Variants in SYT1 observed in about 807,000 individuals in gnomAD.
SYT1 encodes synaptotagmin-1.
A neutral mutation model predicts 44.8 loss-of-function variants in SYT1; 8 were observed. That is an observed-to-expected ratio of 0.18 (90% CI 0.10 to 0.32). The LOEUF (loss-of-function observed/expected upper bound fraction) is 0.32. Ranked by LOEUF, SYT1 falls within the 10% of genes least tolerant of loss-of-function variation. SYT1 has a pLI of 1.00. For synonymous variants in SYT1, 154 were observed against 188.8 expected, an observed-to-expected ratio of 0.82 and a Z score of 1.51; for missense variants, 286 against 509.3, an observed-to-expected ratio of 0.56 and a Z score of 4.22.
chr12:79,428,517 G>A (rs1869581954), intron 9 of SYT1, among the ~76,000 whole-genome samples: 1 of 152,160 alleles, frequency 6.6e-6, no homozygotes, highest in African/African-American at 2.4e-5. Flanking sequence ...GGTGGCTAGG[G>A]AGCAGTGGTG....
At chr12:78,887,553 A>T (rs2137067520) in intron 1 of SYT1, among the ~76,000 whole-genome samples, 1 of 152,056 alleles carries the variant, frequency 6.6e-6, no homozygotes, top group Admixed American at 6.6e-5. Context: ...CATGCATGGT[A>T]CACATAATTA....
chr12:79,155,177 C>G (rs1870517187), intron 3 of SYT1, among the ~76,000 whole-genome samples: 1 of 152,106 alleles, frequency 6.6e-6, no homozygotes, highest in African/African-American at 2.4e-5. Context: ...GAACTATGTT[C>G]ATTGCCATGA....
Position 79,133,025 on chromosome 12 carries a change from T to C in SYT1, c.-17-84478T>C, listed in dbSNP as rs968905989. Among the ~76,000 whole-genome samples the C allele has an allele frequency of 9.2e-5, 14 of 152,252 alleles. No individual in the cohort carries two copies. The South Asian group carries it at 2.5e-3, about 27-fold the overall frequency. On this transcript the variant is annotated intron_variant, in intron 3 of 10. Transcript: ENST00000261205. The stretch of plus-strand genomic sequence containing the variant: ...TAAATATCACATGTTCTCACTCATA[T>C]GTGGAAGCTAAAAAGTTTCTCTCAT...
At chr12:79,238,085 A>G (rs1442019537) in intron 4 of SYT1, among the ~76,000 whole-genome samples, 3 of 152,302 alleles carry the variant, frequency 2.0e-5, no homozygotes, top group East Asian at 3.9e-4. Flanking sequence ...TGAATGAGGT[A>G]TCATCAGAGT....
chr12:78,906,777 T>C (rs1876007728), intron 1 of SYT1, among the ~76,000 whole-genome samples: 1 of 152,106 alleles, frequency 6.6e-6, no homozygotes, highest in African/African-American at 2.4e-5. Flanking sequence ...TTTACTCTGC[T>C]AGAGCACCAC....
chr12:79,179,436 ATC>A (rs1393550706), intron 3 of SYT1, among the ~76,000 whole-genome samples: 3 of 71,330 alleles, frequency 4.2e-5, no homozygotes, highest in African/African-American at 2.3e-4. Flanking sequence ...ATATAGATAT[ATC>A]CATATAGATA....
chr12:78,917,775 G>A (rs550686668), intron 1 of SYT1, among the ~76,000 whole-genome samples: 2 of 152,088 alleles, frequency 1.3e-5, no homozygotes, highest in East Asian at 3.9e-4. Flanking sequence ...ATTTAAGGTT[G>A]ACGAGAATTG....
At chr12:79,311,653 T>A (rs1328981907) in intron 8 of SYT1, among the ~76,000 whole-genome samples, 2 of 132,734 alleles carry the variant, frequency 1.5e-5, no homozygotes, top group East Asian at 4.4e-4. Context: ...ATTAAGAAAA[T>A]GTGGCACATA....
chr12:79,011,591 T>C (rs1871408723), intron 2 of SYT1, among the ~76,000 whole-genome samples: 1 of 137,076 alleles, frequency 7.3e-6, no homozygotes, highest in South Asian at 2.3e-4. Context: ...ATAGTTCAAA[T>C]AAACTAGGGA....
intron 9 of SYT1, among the ~76,000 whole-genome samples, chr12:79,432,317 C>T (rs980917002): frequency 4.0e-5 from 6 of 151,708 alleles, no homozygotes; most frequent in African/African-American, 7.3e-5. Context: ...CACCCATTAA[C>T]TCGTCATTTA....
intron 9 of SYT1, among the ~76,000 whole-genome samples, chr12:79,388,742 G>C (rs1205463820): frequency 6.6e-6 from 1 of 152,030 alleles, no homozygotes; most frequent in African/African-American, 2.4e-5. Flanking sequence ...TGTAGTGGTA[G>C]AAGTTTCTAA....
chr12:79,334,968 G>A (rs1212820591), intron 8 of SYT1, among the ~76,000 whole-genome samples: 1 of 152,002 alleles, frequency 6.6e-6, no homozygotes, highest in African/African-American at 2.4e-5. Context: ...ACGACACATT[G>A]ACACATCTAA....
chr12:79,137,232 A>G (rs1869255211), intron 3 of SYT1, among the ~76,000 whole-genome samples: 2 of 151,918 alleles, frequency 1.3e-5, no homozygotes, highest in African/African-American at 4.8e-5. Context: ...AGTAGCTGGG[A>G]TTACAGGCGT....
chr12:78,897,993 T>A (rs10861125), intron 1 of SYT1, among the ~76,000 whole-genome samples: 95,328 of 151,752 alleles, frequency 0.63, 30,734 homozygotes, highest in East Asian at 0.83. Flanking sequence ...ACATCTCAGA[T>A]GAAAAACCTC....
intron 9 of SYT1, among the ~76,000 whole-genome samples, chr12:79,381,444 T>C (rs1373977121): frequency 3.3e-5 from 5 of 152,192 alleles, no homozygotes; most frequent in African/African-American, 9.7e-5. Context: ...CAGCACTTCA[T>C]TGAAATGCAA....
rs147499009 is a variant in SYT1, at chr12:79,059,148, C to T, written c.-18+11786C>T. On this transcript the variant is annotated intron_variant, in intron 3 of 10. Coordinates refer to ENST00000261205, the MANE Select transcript of SYT1 (RefSeq NM_005639.3). The stretch of plus-strand genomic sequence containing the variant: ...TGCAGAGGAACTCCTTTTTATAAAA[C>T]CATCAGATCTCATGAGACTTATTCA... Among the ~76,000 whole-genome samples, 367 of 152,062 alleles carry T rather than the reference C, an allele frequency of 2.4e-3. 4 individuals carry two copies. The highest frequency in any genetic ancestry group is 0.012 in the East Asian group (62 of 5,150).
chr12:79,295,718 C>G (rs2138865818), intron 6 of SYT1, among the ~76,000 whole-genome samples: 1 of 152,298 alleles, frequency 6.6e-6, no homozygotes, highest in South Asian at 2.1e-4. Context: ...ACAAATCATG[C>G]TCTGGAAAGA....
intron 3 of SYT1, among the ~76,000 whole-genome samples, chr12:79,057,016 A>T (rs1483205231): frequency 1.3e-5 from 2 of 152,128 alleles, no homozygotes; most frequent in African/African-American, 4.8e-5. Context: ...TTTCAATGTA[A>T]AATCTTGTTA....
chr12:79,239,636 T>C (rs1876385391), intron 4 of SYT1, among the ~76,000 whole-genome samples: 1 of 152,216 alleles, frequency 6.6e-6, no homozygotes, highest in Admixed American at 6.5e-5. Context: ...GCTACAATAT[T>C]AGTGGCTTAA....
Sources: gnomAD v4.1 joint callset for allele counts (sites outside exome capture counted in the v4.1 genomes callset) on GRCh38, gnomAD v4.1.1 for gene constraint, MANE v1.5 for transcripts, NCBI Gene and HGNC (gene_info 2026-07-23, HGNC 2026-07-21) for gene names.